The following GLI3 variants were observed in gnomAD, a reference collection of about 807,000 sequenced individuals.
The protein encoded by GLI3 is GLI family zinc finger 3.
In GLI3, 20 loss-of-function variants were observed where a neutral mutation model predicts 100.8. The observed-to-expected ratio is 0.20, with a 90% CI of 0.14 to 0.29. GLI3 has a LOEUF of 0.29. GLI3 is among the 10% of genes least tolerant of loss of function. The pLI is 1.00. For synonymous variants in GLI3, 938 were observed against 860.5 expected (o/e 1.09, Z -1.58); for missense variants, 2,040 against 2,128.5 (o/e 0.96, Z 0.82).
At chr7:42,137,174 A>T (rs528676433) in intron 3 of GLI3, among the ~76,000 whole-genome samples, 1 of 152,334 alleles carries the variant, frequency 6.6e-6, no homozygotes, top group African/African-American at 2.4e-5. Context: ...ATTGTGGTGC[A>T]GACAGAGAGC....
intron 3 of GLI3, among the ~76,000 whole-genome samples, chr7:42,118,002 A>G (rs1292632371): frequency 6.6e-6 from 1 of 152,218 alleles, no homozygotes; most frequent in East Asian, 1.9e-4. Context: ...TTATCAGAAT[A>G]TACTTGATGG....
intron 3 of GLI3, among the ~76,000 whole-genome samples, chr7:42,089,973 A>C (rs1785182872): frequency 6.6e-6 from 1 of 152,184 alleles, no homozygotes. Context: ...AGCCTACTAC[A>C]CGCCCATGCT....
intron 2 of GLI3, among the ~76,000 whole-genome samples, chr7:42,211,969 T>G (rs535670314): frequency 3.9e-5 from 6 of 152,330 alleles, no homozygotes; most frequent in Admixed American, 2.6e-4. Context: ...CAACTTTTCT[T>G]TCTTGAGCTG....
In GLI3 at chr7:42,026,330, C is replaced by G. The variant is rs143523044; in HGVS notation, c.1111G>C (p.Gly371Arg). Residue 371 changes from glycine (G) to arginine (R), a missense_variant, in exon 8 of 15, where the codon GGT (glycine) becomes CGT (arginine). Coordinates refer to ENST00000395925, the MANE Select transcript of GLI3 (RefSeq NM_000168.6). ...QQILSRQQSL[G>R]SAFGHSPPLI... is the part of the protein sequence containing the mutation. ...GGAGGGCTGTGTCCAAAGGCTGAAC[C>G]TAAGCTCTGTTGTCGGCTTAGGATC... The G allele has an allele frequency of 5.0e-6, 8 of 1,614,180 alleles. No individual in the cohort carries two copies. Among genetic ancestry groups the G allele is most frequent in the Non-Finnish European group, 6.8e-6 (8 of 1,180,018 alleles).
intron 11 of GLI3, 28 bp from the exon 12 acceptor site, chr7:41,977,750 C>A (rs1157945854): frequency 6.2e-7 from 1 of 1,607,702 alleles, no homozygotes; most frequent in South Asian, 1.1e-5. Flanking sequence ...ATCTGGATTA[C>A]TCTGCACAAT....
rs953867241 is a variant in GLI3, at chr7:42,112,637, T to A, written c.367+35589A>T. 3.3e-5 allele frequency among the ~76,000 whole-genome samples: 5 copies of A among 152,288 alleles called. No individual in the cohort carries two copies. In the Middle Eastern group the frequency reaches 0.01, roughly 311 times the overall value. ...CATAACAATTAACATTAAAATTTTT[T>A]AAATTAAATATAATATACTTCTAAT... On this transcript the variant is annotated intron_variant, in intron 3 of 14. Coordinates refer to ENST00000395925, the MANE Select transcript of GLI3 (RefSeq NM_000168.6).
intron 1 of GLI3, among the ~76,000 whole-genome samples, chr7:42,260,828 A>T (rs1789130309): frequency 2.6e-5 from 4 of 152,140 alleles, no homozygotes; most frequent in Admixed American, 2.6e-4. Context: ...CCTGATAGAG[A>T]GGGGGCAGAG....
rs535011702 is a variant in GLI3, at chr7:42,158,870, T to A, written c.125-10402A>T. ...TCAGGAAGAATACTACAGACTTTAA[T>A]CAAACGAACTTAACTGTAAACTTTA... On this transcript the variant is annotated intron_variant, in intron 2 of 14. Transcript: ENST00000395925. Among the ~76,000 whole-genome samples, 71 of 152,322 alleles carry A rather than the reference T, an allele frequency of 4.7e-4. 1 individual carries two copies. The Middle Eastern group carries it at 0.01, about 22-fold the overall frequency.
At chr7:42,226,753 T>A (rs984021676) in intron 1 of GLI3, among the ~76,000 whole-genome samples, 4 of 152,236 alleles carry the variant, frequency 2.6e-5, no homozygotes, top group Non-Finnish European at 5.9e-5. Context: ...TCAGCTTATT[T>A]TACAACTTTG....
chr7:42,245,906 G>GA (rs11306047), intron 1 of GLI3, among the ~76,000 whole-genome samples: 18 of 143,916 alleles, frequency 1.3e-4, no homozygotes, highest in African/African-American at 3.3e-4. Flanking sequence ...GAAAGAAAAG[G>GA]AAAAAAAAAA....
intron 1 of GLI3, among the ~76,000 whole-genome samples, chr7:42,257,821 T>G (rs946316735): frequency 1.3e-5 from 2 of 152,204 alleles, no homozygotes; most frequent in Non-Finnish European, 2.9e-5. Flanking sequence ...ATTGTTTTTA[T>G]CATTTAGTCC....
chr7:42,027,972 CA>C (rs1365972963), intron 7 of GLI3, among the ~76,000 whole-genome samples: 1 of 152,144 alleles, frequency 6.6e-6, no homozygotes, highest in African/African-American at 2.4e-5. Context: ...ATTGATAGGG[CA>C]TTAATCAAAA....
rs576568389 is a variant in GLI3 at position 42,132,392 on chromosome 7, G to A, written c.367+15834C>T. On this transcript the variant is annotated intron_variant, in intron 3 of 14. Transcript: ENST00000395925. The stretch of plus-strand genomic sequence containing the variant: ...TGGGATTACAGGCGTGAGCCACCGC[G>A]CCCGGCCGGCTTCATGATTTATTAA... Among the ~76,000 whole-genome samples the A allele has an allele frequency of 9.3e-4, 142 of 152,212 alleles. 1 individual carries two copies. The highest frequency in any genetic ancestry group is 1.6e-3 in the Non-Finnish European group (107 of 68,024).
At chr7:42,023,411 C>T (rs765559197) in intron 10 of GLI3, 57 bp downstream of exon 10, 22 of 1,588,052 alleles carry the variant, frequency 1.4e-5, no homozygotes, top group Non-Finnish European at 1.8e-5. Context: ...AGAGGCTGAC[C>T]TCCCTGGAAA....
chr7:42,177,054 C>G (rs1339122928), intron 2 of GLI3, among the ~76,000 whole-genome samples: 2 of 152,202 alleles, frequency 1.3e-5, no homozygotes, highest in African/African-American at 4.8e-5. Flanking sequence ...ACTGAACACC[C>G]ACTTTGTTAC....
intron 5 of GLI3, among the ~76,000 whole-genome samples, chr7:42,046,174 A>G (rs1272168955): frequency 6.6e-6 from 1 of 152,240 alleles, no homozygotes; most frequent in African/African-American, 2.4e-5. Flanking sequence ...TTCTAACAGG[A>G]TAATAGTCGG....
chr7:42,233,615 C>T (rs1442351136), intron 1 of GLI3, among the ~76,000 whole-genome samples: 3 of 152,170 alleles, frequency 2.0e-5, no homozygotes, highest in East Asian at 1.9e-4. Context: ...TTAAAGTCTT[C>T]GCCAGTCTAC....
chr7:42,109,218 T>C (rs557784335), intron 3 of GLI3, among the ~76,000 whole-genome samples: 1 of 152,276 alleles, frequency 6.6e-6, no homozygotes, highest in South Asian at 2.1e-4. Flanking sequence ...ATCCAACCCC[T>C]CCTACAAAAC....
chr7:42,078,823 G>A (rs1043684298), intron 3 of GLI3, among the ~76,000 whole-genome samples: 12 of 148,722 alleles, frequency 8.1e-5, no homozygotes, highest in Middle Eastern at 3.4e-3. Context: ...TCCACCTCCC[G>A]GGTTCACGCC....
Sources: gnomAD v4.1 joint callset for allele counts (sites outside exome capture counted in the v4.1 genomes callset) on GRCh38, gnomAD v4.1.1 for gene constraint, MANE v1.5 for transcripts, NCBI Gene and HGNC (gene_info 2026-07-23, HGNC 2026-07-21) for gene names.